Variants in ATF1 observed in about 807,000 individuals in gnomAD.
The protein encoded by ATF1 is cyclic AMP-dependent transcription factor ATF-1.
Under a neutral mutation model 34.7 loss-of-function variants are expected in ATF1, and 16 were observed. The observed-to-expected ratio is 0.46, with a 90% CI of 0.31 to 0.70. The LOEUF (loss-of-function observed/expected upper bound fraction) is 0.70. Ranked by LOEUF, ATF1 falls within the 30% of genes least tolerant of loss-of-function variation. The pLI, the probability that ATF1 is intolerant of heterozygous loss-of-function variation, is 0.05. For missense variants in ATF1, 255 were observed against 321.6 expected (o/e 0.79, Z 1.58); for synonymous variants, 105 against 113.1 (o/e 0.93, Z 0.46).
chr12:50,777,070 T>C (rs1183616914), intron 1 of ATF1, among the ~76,000 whole-genome samples: 2 of 152,170 alleles, frequency 1.3e-5, no homozygotes, highest in Non-Finnish European at 2.9e-5. Context: ...GCCAGACTGA[T>C]CTCGAACTCC....
chr12:50,775,012 G>A (rs1940879277), intron 1 of ATF1, among the ~76,000 whole-genome samples: 1 of 151,940 alleles, frequency 6.6e-6, no homozygotes, highest in African/African-American at 2.4e-5. Flanking sequence ...CCAAAGTGCT[G>A]GGATTACAGG....
chr12:50,806,913 C>T (rs755327559), intron 3 of ATF1, among the ~76,000 whole-genome samples: 57 of 152,206 alleles, frequency 3.7e-4, no homozygotes, highest in Non-Finnish European at 6.3e-4. Flanking sequence ...CATTGTGCTT[C>T]CTGTGGAACT....
intron 2 of ATF1, among the ~76,000 whole-genome samples, chr12:50,783,116 A>C (rs1207582000): frequency 6.6e-6 from 1 of 152,096 alleles, no homozygotes; most frequent in Non-Finnish European, 1.5e-5. Flanking sequence ...CGTGTAATGG[A>C]TTGTTATTGT....
At chr12:50,780,578 C>T (rs1941035534) in intron 2 of ATF1, among the ~76,000 whole-genome samples, 1 of 151,330 alleles carries the variant, frequency 6.6e-6, no homozygotes, top group Non-Finnish European at 1.5e-5. Flanking sequence ...CTCCTGACCG[C>T]AGGTAACCCA....
intron 2 of ATF1, among the ~76,000 whole-genome samples, chr12:50,795,653 T>A (rs1232347188): frequency 6.6e-6 from 1 of 152,244 alleles, no homozygotes; most frequent in Non-Finnish European, 1.5e-5. Context: ...GGTAAAATAG[T>A]ACTGCTTCAT....
chr12:50,814,907 G>A (rs936958217), intron 6 of ATF1, among the ~76,000 whole-genome samples: 4 of 151,266 alleles, frequency 2.6e-5, no homozygotes, highest in Non-Finnish European at 2.9e-5. Context: ...AGATCACGAG[G>A]TCAGGAGATC....
At chr12:50,771,207 T>G (rs564505891) in intron 1 of ATF1, among the ~76,000 whole-genome samples, 2 of 152,268 alleles carry the variant, frequency 1.3e-5, no homozygotes, top group East Asian at 3.9e-4. Context: ...GGTTTCACCA[T>G]GTTGGCCAGG....
At chr12:50,802,086 A>G (rs1482089319) in intron 3 of ATF1, among the ~76,000 whole-genome samples, 4 of 152,254 alleles carry the variant, frequency 2.6e-5, no homozygotes, top group African/African-American at 7.2e-5. Context: ...ACAAAAATCA[A>G]CTGTATTTCC....
chr12:50,806,583 T>A (rs1941621562), intron 3 of ATF1: 1 of 192,532 alleles, frequency 5.2e-6, no homozygotes, highest in Admixed American at 5.1e-5. Context: ...CTTTTCTTTA[T>A]ACTCAAAGTG....
At chr12:50,771,596 C>CG (rs1320115908) in intron 1 of ATF1, among the ~76,000 whole-genome samples, 2 of 152,036 alleles carry the variant, frequency 1.3e-5, no homozygotes, top group South Asian at 2.1e-4. Context: ...TTCTCTTAGA[C>CG]GGGGGGAAAT....
rs987514387 is a variant in ATF1 at position 50,764,219 on chromosome 12, G to T, written c.-95G>T. ...GAGGCTTGTCCCCCGCTGCGTGAGG[G>T]GGTGGGGAAGTGGGTAGTGAATTCG... On this transcript the variant is annotated 5_prime_UTR_variant, in exon 1 of 7. Coordinates refer to ENST00000262053, the MANE Select transcript of ATF1 (RefSeq NM_005171.5). 1.3e-5 allele frequency: 2 copies of T among 152,116 alleles called. No individual in the cohort carries two copies. Among genetic ancestry groups the T allele is most frequent in the African/African-American group, 4.8e-5 (2 of 41,428 alleles). The allele number at this position is 152,116 out of a possible 1,614,324, so 9.4% of individuals were successfully genotyped here. A position where few individuals can be genotyped will look rare whatever the true frequency, so the allele number is the denominator to read the frequency against.
intron 3 of ATF1, among the ~76,000 whole-genome samples, chr12:50,802,945 T>TA (rs1941542913): frequency 7.9e-6 from 1 of 126,982 alleles, no homozygotes; most frequent in Non-Finnish European, 1.7e-5. Context: ...GAAGACTAAA[T>TA]ATTAAGACCA....
intron 4 of ATF1, 132 bp downstream of exon 4, chr12:50,809,721 T>C (rs1941694960): frequency 1.0e-6 from 1 of 979,516 alleles, no homozygotes; most frequent in Non-Finnish European, 1.4e-6. Context: ...CCAGGAATAA[T>C]GCGAAGTACT....
intron 2 of ATF1, among the ~76,000 whole-genome samples, chr12:50,787,999 G>A (rs1476134446): frequency 2.0e-5 from 3 of 152,154 alleles, no homozygotes; most frequent in Admixed American, 6.6e-5. Context: ...GTAGAGATGA[G>A]TCAATGGATC....
intron 1 of ATF1, among the ~76,000 whole-genome samples, chr12:50,770,474 A>T (rs1224439842): frequency 6.6e-6 from 1 of 152,182 alleles, no homozygotes; most frequent in Admixed American, 6.5e-5. Context: ...TACCCAAGTT[A>T]TAGGTATTTA....
intron 2 of ATF1, among the ~76,000 whole-genome samples, chr12:50,780,652 T>A (rs868360734): frequency 1.1e-4 from 16 of 139,710 alleles, no homozygotes; most frequent in African/African-American, 3.9e-4. Context: ...GCATTAATGT[T>A]AAAAAAAAAA....
At chr12:50,775,300 G>A (rs1333471026) in intron 1 of ATF1, among the ~76,000 whole-genome samples, 1 of 151,928 alleles carries the variant, frequency 6.6e-6, no homozygotes, top group Admixed American at 6.6e-5. Flanking sequence ...GCTGATTATA[G>A]TGGCTTTTAC....
In ATF1 at chr12:50,816,363, C is replaced by T. The variant is rs766412740; in HGVS notation, c.671+1924C>T. 1.1e-4 allele frequency among the ~76,000 whole-genome samples: 17 copies of T among 151,744 alleles called. No homozygotes were observed. In the South Asian group the frequency reaches 1.3e-3, roughly 11 times the overall value. On this transcript the variant is annotated intron_variant, in intron 6 of 6. Transcript: ENST00000262053. ...AAAAATAGGTAACAGAGACTGGGAA[C>T]GGTGAGGGGCAAGGAGGAGGATGAA...
intron 1 of ATF1, among the ~76,000 whole-genome samples, chr12:50,772,415 C>G (rs188305509): frequency 2.0e-5 from 3 of 150,606 alleles, no homozygotes; most frequent in Non-Finnish European, 4.4e-5. Flanking sequence ...CAACCTACGC[C>G]TCCTGGATTT....
Sources: gnomAD v4.1 joint callset for allele counts (sites outside exome capture counted in the v4.1 genomes callset) on GRCh38, gnomAD v4.1.1 for gene constraint, MANE v1.5 for transcripts, NCBI Gene and HGNC (gene_info 2026-07-23, HGNC 2026-07-21) for gene names.